Variants in VRK2 observed in about 807,000 individuals in gnomAD.
The protein encoded by VRK2 is serine/threonine-protein kinase VRK2.
In VRK2, 60 loss-of-function variants were observed where a neutral mutation model predicts 57.6. The observed-to-expected ratio is 1.04, with a 90% confidence interval of 0.85 to 1.29. The LOEUF is 1.29. Ranked by LOEUF, VRK2 falls within the 50% of genes most tolerant of loss-of-function variation. The pLI, the probability that VRK2 is intolerant of heterozygous loss-of-function variation, is 0.00. For synonymous variants in VRK2, 231 were observed against 199.2 expected (o/e 1.16, Z -1.35); for missense variants, 705 against 588.1 (o/e 1.20, Z -2.06).
chr2:57,911,838 T>A (rs890870971), intron 1 of VRK2, among the ~76,000 whole-genome samples: 1 of 152,222 alleles, frequency 6.6e-6, no homozygotes, highest in African/African-American at 2.4e-5. Context: ...ACTGTTGTAC[T>A]TTTTAGGACC....
At chr2:58,048,704 A>C in intron 1 of VRK2, 123 bp from the exon 2 acceptor site, 1 of 1,498,370 alleles carries the variant, frequency 6.7e-7, no homozygotes. Context: ...AATTAACTTT[A>C]GAATCCTAAT....
intron 1 of VRK2, among the ~76,000 whole-genome samples, chr2:58,018,846 GC>G (rs754784218): frequency 2.6e-5 from 4 of 152,154 alleles, no homozygotes; most frequent in Middle Eastern, 6.8e-3. Context: ...TGTTCCATCT[GC>G]CTGAAATGCT....
chr2:57,936,767 A>C (rs934570805), intron 1 of VRK2, among the ~76,000 whole-genome samples: 3 of 152,146 alleles, frequency 2.0e-5, no homozygotes, highest in African/African-American at 7.2e-5. Flanking sequence ...TGGATAAATA[A>C]ATGATTGAAT....
chr2:57,970,991 A>G (rs1400157158), intron 1 of VRK2, among the ~76,000 whole-genome samples: 1 of 151,918 alleles, frequency 6.6e-6, no homozygotes, highest in African/African-American at 2.4e-5. Context: ...TGCTGGTTGC[A>G]TCTCTGTAGT....
intron 7 of VRK2, among the ~76,000 whole-genome samples, chr2:58,111,516 C>T (rs1177081674): frequency 6.6e-6 from 1 of 152,146 alleles, no homozygotes; most frequent in Non-Finnish European, 1.5e-5. Flanking sequence ...TTTTGGGAAG[C>T]TGAAGCAGGA....
intron 2 of VRK2, among the ~76,000 whole-genome samples, chr2:58,065,530 A>G (rs1668488056): frequency 6.6e-6 from 1 of 152,126 alleles, no homozygotes; most frequent in South Asian, 2.1e-4. Context: ...ATTGAAGGAC[A>G]TTTGGGTAGT....
chr2:58,060,119 CCAA>C (rs374818709), intron 2 of VRK2, among the ~76,000 whole-genome samples: 4 of 151,476 alleles, frequency 2.6e-5, no homozygotes, highest in South Asian at 4.1e-4. Context: ...AGTAGTAAAA[CCAA>C]CAACAACAAC....
At chr2:58,059,762 T>G (rs1316854124) in intron 2 of VRK2, among the ~76,000 whole-genome samples, 3 of 151,792 alleles carry the variant, frequency 2.0e-5, no homozygotes, top group African/African-American at 7.2e-5. Context: ...CTTTGGGTGT[T>G]TATAATAGAC....
intron 7 of VRK2, among the ~76,000 whole-genome samples, chr2:58,100,428 T>C (rs1236847480): frequency 6.6e-6 from 1 of 151,910 alleles, no homozygotes; most frequent in Admixed American, 6.6e-5. Context: ...ACTATAATAT[T>C]ACTAGGTGGT....
intron 1 of VRK2, among the ~76,000 whole-genome samples, chr2:57,959,569 C>T (rs1671691953): frequency 6.6e-6 from 1 of 152,154 alleles, no homozygotes; most frequent in Non-Finnish European, 1.5e-5. Flanking sequence ...TCAAGGATTT[C>T]ACAGGTCAGG....
chr2:57,977,778 G>A (rs1325542333), intron 1 of VRK2, among the ~76,000 whole-genome samples: 3 of 151,088 alleles, frequency 2.0e-5, no homozygotes, highest in Non-Finnish European at 4.4e-5. Context: ...GTGACAATGG[G>A]CATTCTTGTC....
chr2:58,026,080 C>G (rs921829543), intron 2 of VRK2, among the ~76,000 whole-genome samples: 6 of 152,118 alleles, frequency 3.9e-5, no homozygotes, highest in African/African-American at 1.4e-4. Flanking sequence ...TTCAACTATT[C>G]CAAGTCTTCC....
chr2:58,159,500 C>T lies in VRK2; in HGVS notation c.1334C>T (p.Ser445Leu). 1 of 1,613,650 alleles carries T rather than the reference C, an allele frequency of 6.2e-7. No homozygotes were observed. Among genetic ancestry groups the T allele is most frequent in the Non-Finnish European group, 8.5e-7 (1 of 1,179,746 alleles). ...DFTSPDIFKK[S>L]RSPSWYKYTS... ...ACCAGTCCAGATATATTCAAGAAGT[C>T]AAGATCTCCATCTTGGTATAAATAC... Residue 445 changes from serine to leucine, a missense_variant, in exon 13 of 13, where the codon TCA (serine) becomes TTA (leucine). Coordinates refer to ENST00000340157, the MANE Select transcript of VRK2 (RefSeq NM_006296.7).
chr2:58,045,783 T>A (rs1474752269), upstream of VRK2, among the ~76,000 whole-genome samples: 4 of 152,158 alleles, frequency 2.6e-5, no homozygotes, highest in Non-Finnish European at 5.9e-5. Flanking sequence ...TGCTGACGTA[T>A]TAATAATCTT....
At chr2:58,050,453 A>C (rs564917242) in intron 2 of VRK2, among the ~76,000 whole-genome samples, 1 of 152,196 alleles carries the variant, frequency 6.6e-6, no homozygotes, top group African/African-American at 2.4e-5. Flanking sequence ...GATCTCTAGT[A>C]TACTGTCTTG....
At chr2:57,945,177 C>G (rs554160000) in intron 1 of VRK2, among the ~76,000 whole-genome samples, 2 of 151,992 alleles carry the variant, frequency 1.3e-5, no homozygotes, top group South Asian at 4.2e-4. Flanking sequence ...AATAAAAGAC[C>G]CATAATTTTT....
intron 1 of VRK2, among the ~76,000 whole-genome samples, chr2:57,920,981 T>C (rs1263869405): frequency 6.6e-6 from 1 of 152,126 alleles, no homozygotes; most frequent in Non-Finnish European, 1.5e-5. Context: ...TCAGGTATGA[T>C]GGACAGATAC....
At chr2:57,917,315 CT>C (rs1670189418) in intron 1 of VRK2, among the ~76,000 whole-genome samples, 1 of 151,820 alleles carries the variant, frequency 6.6e-6, no homozygotes, top group Non-Finnish European at 1.5e-5. Flanking sequence ...TCCTTTTCTG[CT>C]TTTATAATGG....
intron 1 of VRK2, among the ~76,000 whole-genome samples, chr2:57,965,699 C>T (rs1398136594): frequency 6.6e-6 from 1 of 152,106 alleles, no homozygotes; most frequent in East Asian, 1.9e-4. Flanking sequence ...ATTAGACTAA[C>T]TTCATCCATG....
Sources: allele counts gnomAD v4.1 joint callset (sites outside exome capture counted in the v4.1 genomes callset), GRCh38; gene constraint gnomAD v4.1.1; transcripts MANE v1.5; gene names NCBI Gene and HGNC (gene_info 2026-07-23, HGNC 2026-07-21).